CCDC57: variants seen among roughly 807,000 people sequenced by gnomAD.
The protein encoded by CCDC57 is coiled-coil domain containing 57.
A neutral mutation model predicts 118.9 loss-of-function variants in CCDC57; 118 were observed. That is an observed-to-expected ratio of 0.99 (90% confidence interval 0.86 to 1.16). CCDC57 has a LOEUF of 1.16. CCDC57 is among the 50% of genes most tolerant of loss of function. The pLI is 0.00. For synonymous variants in CCDC57, 527 were observed against 532.9 expected (o/e 0.99, Z 0.15); for missense variants, 1,300 against 1,320.7 (o/e 0.98, Z 0.24).
chr17:82,140,139 G>A (rs956425341), intron 16 of CCDC57, among the ~76,000 whole-genome samples: 4 of 152,102 alleles, frequency 2.6e-5, no homozygotes, highest in Non-Finnish European at 4.4e-5. Flanking sequence ...AGGCTGGAGT[G>A]CAGCAGCGCA....
At chr17:82,202,733 C>T (rs1026726912) in intron 2 of CCDC57, among the ~76,000 whole-genome samples, 2 of 151,874 alleles carry the variant, frequency 1.3e-5, no homozygotes. Flanking sequence ...CTGGGCGACA[C>T]TAAGACTCTT....
Position 82,212,147 on chromosome 17 carries a change from T to C in CCDC57, c.-211+638A>G, listed in dbSNP as rs1314589032. On this transcript the variant is annotated intron_variant, in intron 1 of 19. Coordinates refer to ENST00000665763, the Ensembl canonical transcript of CCDC57. This position sits in a 1 kb window ranked among gnomAD's most constrained non-coding sequence, Gnocchi z 4.1. ...TCCTGAGTAGTCTCAGAGTGTGGCG[T>C]TCTCTCTATAACTCCCTCAGTTACA... Among the ~76,000 whole-genome samples the C allele has an allele frequency of 6.6e-6, 1 of 152,154 alleles. No homozygotes were observed. Among genetic ancestry groups the C allele is most frequent in the African/African-American group, 2.4e-5 (1 of 41,444 alleles).
intron 7 of CCDC57, 112 bp downstream of exon 6, chr17:82,193,644 G>T: frequency 1.2e-6 from 1 of 859,582 alleles, no homozygotes; most frequent in Non-Finnish European, 1.8e-6. Flanking sequence ...TCCCAGGTCC[G>T]ATCCCTGGAG....
At chr17:82,161,009 A>G (rs2043263816) in intron 14 of CCDC57, among the ~76,000 whole-genome samples, 1 of 152,192 alleles carries the variant, frequency 6.6e-6, no homozygotes, top group Non-Finnish European at 1.5e-5. Context: ...TCAAATAAAA[A>G]GACAACCCAA....
In CCDC57 at chr17:82,172,407, AT is replaced by A. The variant is rs929049119; in HGVS notation, c.1729+230del. Among the ~76,000 whole-genome samples, 13 of 152,166 alleles carry A rather than the reference AT, an allele frequency of 8.5e-5. No individual in the cohort carries two copies. The highest frequency in any genetic ancestry group is 2.0e-4 in the Admixed American group (3 of 15,280). On this transcript the variant is annotated intron_variant, in intron 12 of 19. Coordinates refer to ENST00000665763, the Ensembl canonical transcript of CCDC57. This position sits in a 1 kb window ranked among gnomAD's most constrained non-coding sequence, Gnocchi z 5.2. ...TTAAGTGTGTCAAGCAGGTACCCTCATTTTTTCCTTCCACTTTACAAATATA... is the reference window on the plus strand; with the variant it reads ...TTAAGTGTGTCAAGCAGGTACCCTCATTTTTCCTTCCACTTTACAAATATA...
chr17:82,163,467 A>T (rs2043593958), intron 13 of CCDC57, 110 bp from the exon 13 acceptor site: 2 of 1,335,942 alleles, frequency 1.5e-6, no homozygotes, highest in South Asian at 2.7e-5. Context: ...CCATGGCACC[A>T]GCGGCTGACC....
At chr17:82,128,638 T>TGCACCATCA in intron 17 of CCDC57, 41 bp from the exon 17 acceptor site, 23 of 1,455,380 alleles carry the variant, frequency 1.6e-5, no homozygotes, top group Non-Finnish European at 2.1e-5. Flanking sequence ...GGTATTCACA[T>TGCACCATCA]GTACTGATGG....
At chr17:82,132,034 C>T (rs544782444) in intron 17 of CCDC57, among the ~76,000 whole-genome samples, 9 of 148,424 alleles carry the variant, frequency 6.1e-5, no homozygotes, top group South Asian at 4.2e-4. Context: ...AGGAGAATGG[C>T]GTGAACTCGG....
At position 82,120,103 on chromosome 17, in the gene CCDC57, C is replaced by T. The variant is rs116387882; in HGVS notation, c.2899+7589G>A. 9.4e-3 allele frequency among the ~76,000 whole-genome samples: 1,426 copies of T among 152,124 alleles called. 21 individuals are homozygous for T. Among genetic ancestry groups the T allele is most frequent in the African/African-American group, 0.033 (1,384 of 41,472 alleles). ...ACTAAACACCATATCCTACAATAGT[C>T]GTTCATGTCATTAATTTAGATGCCA... On this transcript the variant is annotated intron_variant, in intron 19 of 19. Transcript: ENST00000665763.
intron 8 of CCDC57, among the ~76,000 whole-genome samples, chr17:82,186,394 C>T (rs529036142): frequency 2.6e-5 from 4 of 152,266 alleles, no homozygotes; most frequent in African/African-American, 9.6e-5. Context: ...TCACCTCGGC[C>T]GCACTACATG....
In CCDC57 at chr17:82,202,545, T is replaced by C. The variant is rs1359911145; in HGVS notation, c.-8-593A>G. ...TGGGTGGGTCACCTGAGGTCAGGAG[T>C]TTGAGACCGGCCTGGCCAACATGGT... On this transcript the variant is annotated intron_variant, in intron 2 of 19. Coordinates refer to ENST00000665763, the Ensembl canonical transcript of CCDC57. 6.0e-5 allele frequency among the ~76,000 whole-genome samples: 9 copies of C among 149,580 alleles called. No homozygotes were observed. In the East Asian group the frequency reaches 1.8e-3, roughly 30 times the overall value.
At chr17:82,141,144 G>C (rs1321069182) in intron 16 of CCDC57, among the ~76,000 whole-genome samples, 1 of 151,154 alleles carries the variant, frequency 6.6e-6, no homozygotes, top group Non-Finnish European at 1.5e-5. Context: ...TTGAGTAGCT[G>C]GGATGACAGG....
intron 16 of CCDC57, chr17:82,145,766 G>A: frequency 2.2e-6 from 1 of 460,334 alleles, no homozygotes; most frequent in Non-Finnish European, 4.5e-6. Flanking sequence ...GAGTGGGGCT[G>A]TTCTCACTCC....
In CCDC57 at chr17:82,204,239, C is replaced by T. The variant is rs533009490; in HGVS notation, c.-8-2287G>A. ...TCAGCCTGGCTCCTCCAAGCTGCTG[C>T]GTGCCCACCCATTGCCGGAGCTAAC... On this transcript the variant is annotated intron_variant, in intron 2 of 19. Coordinates refer to ENST00000665763, the Ensembl canonical transcript of CCDC57. 2.6e-5 allele frequency among the ~76,000 whole-genome samples: 4 copies of T among 152,294 alleles called. No homozygotes were observed. In the South Asian group the frequency reaches 8.3e-4, roughly 32 times the overall value.
rs981975539 is a variant in CCDC57 at position 82,157,926 on chromosome 17, G to A, written c.2063C>T (p.Pro688Leu). The A allele has an allele frequency of 1.3e-5, 20 of 1,557,662 alleles. No homozygotes were observed. The highest frequency in any genetic ancestry group is 8.2e-5 in the African/African-American group (6 of 73,296). Residue 688 changes from proline (P) to leucine (L), a missense_variant, in exon 15 of 20, where the codon CCG becomes CTG. Pro to Leu is a moderately conservative substitution (Grantham distance 98, BLOSUM62 -3). Transcript: ENST00000665763. ...GGGAAGCTCACGCTGGAGAGCGGCC[G>A]GCTCCAGGGGTTCCCGCAGCACCTA...
At position 82,193,998 on chromosome 17, in the gene CCDC57, C is replaced by A. The variant is rs762242965; in HGVS notation, c.760G>T (p.Ala254Ser). ...CTCGCGCACCGGGCGCGGCTCATGG[C>A]CTCCAGGTCCTGGAGCTCCCCGGCT... The change falls in exon 6 of 20, where the codon GCC becomes TCC. Residue 254 changes from alanine (A) to serine (S), a missense_variant. Coordinates refer to ENST00000665763, the Ensembl canonical transcript of CCDC57. 13 of 1,611,380 alleles carry A rather than the reference C, an allele frequency of 8.1e-6. No homozygotes were observed. In the African/African-American group the frequency reaches 1.3e-4, roughly 17 times the overall value.
Position 82,151,697 on chromosome 17 carries a change from GCACGTGC to G in CCDC57, c.2311_2317del (p.Ala771ProfsTer14). 6.4e-7 allele frequency: 1 copy of G among 1,550,388 alleles called. No homozygotes were observed. Among genetic ancestry groups the G allele is most frequent in the Non-Finnish European group, 8.7e-7 (1 of 1,146,978 alleles). On this transcript the variant is annotated frameshift_variant, in exon 16 of 20. Transcript: ENST00000665763. LOFTEE classifies it high-confidence loss of function. The stretch of plus-strand genomic sequence containing the variant: ...TCGGTGCATAGATAAGGTCTGGGGG[GCACGTGC>G]CACTGACCGGAGGTGCAGGAAAAGC...
rs150437682 is a variant in CCDC57, at chr17:82,116,686, G to C, written c.2899+11006C>G. 4.6e-5 allele frequency among the ~76,000 whole-genome samples: 7 copies of C among 152,314 alleles called. No individual in the cohort carries two copies. In the East Asian group the frequency reaches 1.2e-3, roughly 25 times the overall value. On this transcript the variant is annotated intron_variant, in intron 19 of 19. Coordinates refer to ENST00000665763, the Ensembl canonical transcript of CCDC57. ...GGCCTCATTTCTGCATTTGACAATG[G>C]GATGGTAGTAGCTGTACAGCCTTAG...
intron 19 of CCDC57, among the ~76,000 whole-genome samples, chr17:82,122,756 G>A (rs977654997): frequency 6.6e-6 from 1 of 152,206 alleles, no homozygotes; most frequent in Non-Finnish European, 1.5e-5. Context: ...CGGGCACCGA[G>A]CCCCTTCCCC....
Sources: gnomAD v4.1 joint callset for allele counts (sites outside exome capture counted in the v4.1 genomes callset) on GRCh38, gnomAD v4.1.1 for gene constraint, Gnocchi (gnomAD v3.1) non-coding constraint, MANE v1.5 for transcripts, NCBI Gene and HGNC (gene_info 2026-07-23, HGNC 2026-07-21) for gene names.